Variants in RTEL1 observed in about 807,000 individuals in gnomAD.
The protein encoded by RTEL1 is regulator of telomere length.
RTEL1 carries 86 observed loss-of-function variants against 162.2 expected under a neutral mutation model. That is an observed-to-expected ratio of 0.53 (90% CI 0.45 to 0.63). The LOEUF (loss-of-function observed/expected upper bound fraction) is 0.63. Ranked by LOEUF, RTEL1 falls within the 30% of genes least tolerant of loss-of-function variation. RTEL1 has a pLI of 0.00. For missense variants in RTEL1, 1,941 were observed against 1,750.2 expected (o/e 1.11, Z -1.95); for synonymous variants, 958 against 717.9 (o/e 1.33, Z -5.35).
At chr20:63,693,423 T>A (rs1383622685) in intron 30 of RTEL1, 140 bp downstream of exon 30, 34 of 923,956 alleles carry the variant, frequency 3.7e-5, no homozygotes, top group Middle Eastern at 3.4e-4. Flanking sequence ...GATGGGGGCC[T>A]CCACCTCCAC....
rs1250567154 is a variant in RTEL1, at chr20:63,696,061, C to T, written c.*203C>T. 4 of 583,972 alleles carry T rather than the reference C, an allele frequency of 6.8e-6. No individual in the cohort carries two copies. Among genetic ancestry groups the T allele is most frequent in the Non-Finnish European group, 9.0e-6 (3 of 332,722 alleles). 36.2% of individuals were successfully genotyped at this position (583,972 alleles called of 1,614,324 possible). On this transcript the variant is annotated 3_prime_UTR_variant, in exon 35 of 35. Transcript: ENST00000360203. ...CTGCCTCTGAGAAGCCCTGAGCTAC[C>T]TTGGGGTCTGGGGTGGGTTTCTGGG...
chr20:63,687,679 A>G lies in RTEL1; in HGVS notation c.1390A>G (p.Met464Val). Residue 464 changes from methionine to valine, a missense_variant, in exon 17 of 35, where the codon ATG (methionine) becomes GTG (valine). Coordinates refer to ENST00000360203, the MANE Select transcript of RTEL1 (RefSeq NM_001283009.2). ...CTGGTGCTTCAGTCCCGGCCACAGCATGCACGAGCTGGTCCGCCAGGGCGT... is the reference window on the plus strand; with the variant it reads ...CTGGTGCTTCAGTCCCGGCCACAGCGTGCACGAGCTGGTCCGCCAGGGCGT... ...SYWCFSPGHS[M>V]HELVRQGVRS... 6.2e-7 allele frequency: 1 copy of G among 1,609,486 alleles called. No homozygotes were observed. Among genetic ancestry groups the G allele is most frequent in the Non-Finnish European group, 8.5e-7 (1 of 1,179,484 alleles).
Position 63,688,402 on chromosome 20 carries a change from G to T in RTEL1, c.1722+16G>T, listed in dbSNP as rs1326497310. The T allele has an allele frequency of 2.5e-6, 4 of 1,604,444 alleles. No homozygotes were observed. In the Admixed American group the frequency reaches 6.7e-5, roughly 27 times the overall value. ...GTTCTGGCGGGTGCGTCTCCCCTGT[G>T]TTCTGGGCGGGGTGGGTGAGGGCAG... On this transcript the variant is annotated intron_variant, in intron 20 of 34. Transcript: ENST00000360203.
At chr20:63,666,498 A>C (rs1001723422) in intron 7 of RTEL1, among the ~76,000 whole-genome samples, 2 of 152,220 alleles carry the variant, frequency 1.3e-5, no homozygotes, top group East Asian at 3.8e-4. Flanking sequence ...CAGAGATTCA[A>C]GTTATAATAA....
chr20:63,682,879 T>G (rs2090506896), intron 14 of RTEL1, among the ~76,000 whole-genome samples: 1 of 152,226 alleles, frequency 6.6e-6, no homozygotes, highest in Non-Finnish European at 1.5e-5. Flanking sequence ...GGGAACCAGT[T>G]GCCCCTGGGC....
intron 30 of RTEL1, 104 bp downstream of exon 30, chr20:63,693,387 C>T (rs1568719403): frequency 9.8e-6 from 14 of 1,422,902 alleles, no homozygotes; most frequent in African/African-American, 1.4e-5. Flanking sequence ...CTGCTTGGCC[C>T]CGCCTCTCTG....
rs746293680 is a variant in RTEL1, at chr20:63,689,470, G to A, written c.1879-32G>A. On this transcript the variant is annotated intron_variant, in intron 22 of 34. Transcript: ENST00000360203. Reference sequence around the variant, plus strand: ...GGGCACCAGGGAGAGGAGCCCCCACGGCCCCAGGCAGCTCCCTGGTGTGTC... The same window carrying A: ...GGGCACCAGGGAGAGGAGCCCCCACAGCCCCAGGCAGCTCCCTGGTGTGTC... 1.1e-5 allele frequency: 17 copies of A among 1,503,696 alleles called. 1 individual carries two copies. The highest frequency in any genetic ancestry group is 9.2e-5 in the South Asian group (7 of 76,006). The allele number at this position is 1,503,696 out of a possible 1,614,324, so 93.1% of individuals were successfully genotyped here.
At position 63,694,420 on chromosome 20, in the gene RTEL1, A is replaced by G; in HGVS notation, c.3041A>G (p.Gln1014Arg). Residue 1014 changes from glutamine to arginine, a missense_variant, in exon 31 of 35, where the codon CAG (glutamine) becomes CGG (arginine). By Grantham distance (43) the Gln-to-Arg change is conservative (BLOSUM62 1). Coordinates refer to ENST00000360203, the MANE Select transcript of RTEL1 (RefSeq NM_001283009.2). ...PKLTVSTAAA[Q>R]QLDPQEHLNQ... The stretch of plus-strand genomic sequence containing the variant: ...CTGACCGTGTCCACGGCTGCAGCCC[A>G]GCAGCTGGACCCCCAAGAGCACCTG... The G allele has an allele frequency of 6.2e-7, 1 of 1,611,840 alleles. No homozygotes were observed. Among genetic ancestry groups the G allele is most frequent in the Non-Finnish European group, 8.5e-7 (1 of 1,179,454 alleles).
chr20:63,681,683 G>A, intron 14 of RTEL1: 1 of 985,394 alleles, frequency 1.0e-6, no homozygotes. Flanking sequence ...TCTGAGCGGG[G>A]GCGAGACCTG....
chr20:63,662,849 G>C lies in RTEL1; in HGVS notation c.498G>C (p.Lys166Asn). 6.2e-7 allele frequency: 1 copy of C among 1,614,012 alleles called. No homozygotes were observed. The highest frequency in any genetic ancestry group is 8.5e-7 in the Non-Finnish European group (1 of 1,180,050). ...NHLQIHLCRK[K>N]VASRSCHFYN... ...CACAGATCCACTTGTGCCGTAAGAA[G>C]GTGGCAAGTCGCTCCTGTCATTTCT... The change falls in exon 6 of 35, where the codon AAG (lysine) becomes AAC (asparagine). Residue 166 changes from lysine (K) to asparagine (N), a missense_variant. By Grantham distance (94) the Lys-to-Asn change is moderately conservative. Transcript: ENST00000360203.
chr20:63,669,300 A>G (rs1471063590), intron 8 of RTEL1, among the ~76,000 whole-genome samples: 1 of 152,260 alleles, frequency 6.6e-6, no homozygotes, highest in African/African-American at 2.4e-5. Context: ...GTATAAACCT[A>G]AATGTAAAAG....
At chr20:63,659,748 T>C (rs987314316) in intron 2 of RTEL1, among the ~76,000 whole-genome samples, 1 of 152,112 alleles carries the variant, frequency 6.6e-6, no homozygotes, top group African/African-American at 2.4e-5. Context: ...GACGAGAGAC[T>C]GAGAAAATGA....
intron 6 of RTEL1, 95 bp from the exon 7 acceptor site, chr20:63,665,909 G>T: frequency 1.7e-6 from 2 of 1,162,490 alleles, no homozygotes; most frequent in Non-Finnish European, 2.5e-6. Flanking sequence ...AGCCCTGCCC[G>T]CCGTGTAGGA....
chr20:63,679,529 G>A lies in RTEL1; in HGVS notation c.1038-320G>A, dbSNP rs754257948. Among the ~76,000 whole-genome samples the A allele has an allele frequency of 3.9e-5, 6 of 152,148 alleles. No homozygotes were observed. The Middle Eastern group carries it at 0.01, about 259-fold the overall frequency. On this transcript the variant is annotated intron_variant, in intron 12 of 34. Transcript: ENST00000360203. Reference sequence around the variant, plus strand: ...TGCTCTGAGGCGGCTTCTTTTCCTCGGTGCTGTTCTCGTGCTGGCCAGGCC... The same window carrying A: ...TGCTCTGAGGCGGCTTCTTTTCCTCAGTGCTGTTCTCGTGCTGGCCAGGCC...
intron 31 of RTEL1, 117 bp downstream of exon 31, chr20:63,694,605 G>T (rs1245138799): frequency 4.4e-5 from 54 of 1,215,474 alleles, no homozygotes; most frequent in Non-Finnish European, 5.6e-5. Context: ...CTCATGGTGG[G>T]GACTGCTCCC....
In RTEL1 at chr20:63,678,259, G is replaced by C. The variant is rs373436285; in HGVS notation, c.959-9G>C. The C allele has an allele frequency of 6.2e-7, 1 of 1,612,172 alleles. No homozygotes were observed. The highest frequency in any genetic ancestry group is 8.5e-7 in the Non-Finnish European group (1 of 1,178,804). On this transcript the variant is annotated splice_polypyrimidine_tract_variant and intron_variant, in intron 11 of 34. Coordinates refer to ENST00000360203, the MANE Select transcript of RTEL1 (RefSeq NM_001283009.2). ...GCGAGGAGGTGGGTGACACCTCCTC[G>C]ACCCACAGTGATCCTGCTGCGCCTG...
chr20:63,667,359 G>A (rs916617401), intron 7 of RTEL1, 110 bp from the exon 8 acceptor site: 70 of 845,020 alleles, frequency 8.3e-5, no homozygotes, highest in Non-Finnish European at 1.4e-4. Flanking sequence ...CTTCCCACCT[G>A]GGCCCTACGT....
intron 14 of RTEL1, among the ~76,000 whole-genome samples, chr20:63,682,835 G>A (rs566025315): frequency 6.6e-6 from 1 of 152,372 alleles, no homozygotes; most frequent in East Asian, 1.9e-4. Context: ...GGGCTTAGCT[G>A]GAGGCAAACT....
At chr20:63,685,210 T>C (rs1410028600) in intron 14 of RTEL1, among the ~76,000 whole-genome samples, 1 of 152,120 alleles carries the variant, frequency 6.6e-6, no homozygotes, top group Non-Finnish European at 1.5e-5. Flanking sequence ...TAGATTAATT[T>C]GGGGCCCTCA....
Sources: gnomAD v4.1 joint callset for allele counts (sites outside exome capture counted in the v4.1 genomes callset) on GRCh38, gnomAD v4.1.1 for gene constraint, MANE v1.5 for transcripts, NCBI Gene and HGNC (gene_info 2026-07-23, HGNC 2026-07-21) for gene names.